Variants in CALB1 observed in about 807,000 individuals in gnomAD.
CALB1 encodes the protein calbindin 1.
In CALB1, 16 loss-of-function variants were observed where a neutral mutation model predicts 46.7. That is an observed-to-expected ratio of 0.34 (90% CI 0.23 to 0.52). CALB1 has a LOEUF of 0.52. Ranked by LOEUF, CALB1 falls within the 20% of genes least tolerant of loss-of-function variation. CALB1 has a pLI of 0.95. For missense variants in CALB1, 224 were observed against 300.3 expected (o/e 0.75, Z 1.88); for synonymous variants, 90 against 112.8 (o/e 0.80, Z 1.28).
chr8:90,082,339 G>C (rs968706968), intron 1 of CALB1: 8 of 601,284 alleles, frequency 1.3e-5, no homozygotes, highest in Admixed American at 1.2e-4. Flanking sequence ...GAAACTTTGG[G>C]GGGGCAGCAT....
intron 4 of CALB1, 27 bp from the exon 5 acceptor site, chr8:90,069,081 C>G: frequency 6.2e-7 from 1 of 1,611,666 alleles, no homozygotes; most frequent in Non-Finnish European, 8.5e-7. Flanking sequence ...ATAAGGAAAA[C>G]AAACACATTT....
intron 3 of CALB1, among the ~76,000 whole-genome samples, chr8:90,073,602 T>C (rs1298226259): frequency 6.6e-6 from 1 of 152,224 alleles, no homozygotes; most frequent in Non-Finnish European, 1.5e-5. Flanking sequence ...TCATTGCTAC[T>C]CTTCCACTCA....
At chr8:90,077,217 G>T (rs1027213015) in intron 3 of CALB1, among the ~76,000 whole-genome samples, 1 of 151,828 alleles carries the variant, frequency 6.6e-6, no homozygotes, top group Non-Finnish European at 1.5e-5. Context: ...TATTTATATA[G>T]TAATGAGTTA....
In CALB1 at chr8:90,082,812, G is replaced by T. The variant is rs1814757645; in HGVS notation, c.-115C>A. 1.0e-6 allele frequency: 1 copy of T among 995,816 alleles called. No individual in the cohort carries two copies. Among genetic ancestry groups the T allele is most frequent in the Non-Finnish European group, 1.6e-6 (1 of 625,032 alleles). 61.7% of individuals were successfully genotyped at this position (995,816 alleles called of 1,614,324 possible). A position where few individuals can be genotyped will look rare whatever the true frequency, so the allele number is the denominator to read the frequency against. ...AGTCAGGGCTGCGGAGGGAGACCTG[G>T]GCGCGGGCGCTGCCGGGCGCTGTCC... On this transcript the variant is annotated 5_prime_UTR_variant, in exon 1 of 11. Transcript: ENST00000265431.
intron 3 of CALB1, 168 bp downstream of exon 3, chr8:90,078,205 T>C (rs2130250568): frequency 4.4e-6 from 2 of 459,184 alleles, no homozygotes; most frequent in Non-Finnish European, 7.6e-6. Flanking sequence ...ATGTTTTTCA[T>C]TTGTGAACAT....
At chr8:90,073,645 G>A (rs932948197) in intron 3 of CALB1, among the ~76,000 whole-genome samples, 1 of 152,140 alleles carries the variant, frequency 6.6e-6, no homozygotes, top group African/African-American at 2.4e-5. Flanking sequence ...ACCCATAACA[G>A]GGGACTTTAC....
chr8:90,061,417 C>G (rs1814294943), intron 9 of CALB1: 1 of 151,982 alleles, frequency 6.6e-6, no homozygotes, highest in African/African-American at 2.4e-5. Flanking sequence ...TTAAGGCATC[C>G]AAATTGGAAA....
intron 6 of CALB1, 46 bp downstream of exon 6, chr8:90,065,852 C>A: frequency 8.1e-7 from 1 of 1,228,750 alleles, no homozygotes; most frequent in Non-Finnish European, 1.2e-6. Flanking sequence ...GAACATCATA[C>A]TACTTCATGA....
At chr8:90,076,896 T>G (rs564051381) in intron 3 of CALB1, among the ~76,000 whole-genome samples, 1 of 152,004 alleles carries the variant, frequency 6.6e-6, no homozygotes, top group African/African-American at 2.4e-5. Flanking sequence ...GATCAATGCC[T>G]TTTACTGCAC....
chr8:90,063,349 T>C, intron 7 of CALB1, 29 bp from the exon 8 acceptor site: 1 of 1,576,768 alleles, frequency 6.3e-7, no homozygotes, highest in Non-Finnish European at 8.7e-7. Context: ...TATATTAATA[T>C]ATTACATTTT....
At chr8:90,082,554 A>T in intron 1 of CALB1, 65 bp downstream of exon 1, 1 of 1,314,990 alleles carries the variant, frequency 7.6e-7, no homozygotes, top group Non-Finnish European at 1.1e-6. Flanking sequence ...GGCTCAGAAA[A>T]GGGCAAAGAA....
At chr8:90,081,857 C>T in intron 2 of CALB1, among the ~76,000 whole-genome samples, 169 bp downstream of exon 2, 1 of 151,582 alleles carries the variant, frequency 6.6e-6, no homozygotes, top group East Asian at 1.9e-4. Flanking sequence ...TCCCCTTTCC[C>T]ATTTCTCTGT....
chr8:90,078,270 CTG>C (rs1814656029), intron 3 of CALB1, 101 bp downstream of exon 3: 1 of 679,744 alleles, frequency 1.5e-6, no homozygotes, highest in Non-Finnish European at 2.5e-6. Context: ...GTAAAATAAA[CTG>C]TACTGAATGG....
chr8:90,082,816 C>A lies in CALB1; in HGVS notation c.-119G>T. The A allele has an allele frequency of 1.2e-6, 1 of 823,958 alleles. No homozygotes were observed. Among genetic ancestry groups the A allele is most frequent in the East Asian group, 2.5e-5 (1 of 40,158 alleles). 51.0% of individuals were successfully genotyped at this position (823,958 alleles called of 1,614,324 possible). A position where few individuals can be genotyped will look rare whatever the true frequency, so the allele number is the denominator to read the frequency against. On this transcript the variant is annotated 5_prime_UTR_variant, in exon 1 of 11. Transcript: ENST00000265431. ...AGGGCTGCGGAGGGAGACCTGGGCG[C>A]GGGCGCTGCCGGGCGCTGTCCTCGG...
At chr8:90,078,234 TGAACAGAA>T in intron 3 of CALB1, 131 bp downstream of exon 3, 1 of 547,548 alleles carries the variant, frequency 1.8e-6, no homozygotes, top group South Asian at 2.4e-5. Context: ...TTTATACTTC[TGAACAGAA>T]GATAATGTAT....
intron 2 of CALB1, among the ~76,000 whole-genome samples, chr8:90,080,775 A>G (rs1247774343): frequency 2.0e-5 from 3 of 152,118 alleles, no homozygotes; most frequent in Non-Finnish European, 4.4e-5. Context: ...TAATACATTT[A>G]GAGCCCTCTG....
intron 3 of CALB1, among the ~76,000 whole-genome samples, chr8:90,071,875 C>T (rs527344180): frequency 2.0e-4 from 31 of 152,212 alleles, no homozygotes; most frequent in African/African-American, 7.2e-4. Context: ...ACAATTTTTG[C>T]GTGACCTTCC....
At chr8:90,076,380 C>G (rs1814623213) in intron 3 of CALB1, among the ~76,000 whole-genome samples, 1 of 151,866 alleles carries the variant, frequency 6.6e-6, no homozygotes, top group African/African-American at 2.4e-5. Flanking sequence ...CCATTTATTT[C>G]TTACTTTTTC....
intron 2 of CALB1, among the ~76,000 whole-genome samples, chr8:90,080,319 A>AT (rs1007314203): frequency 1.3e-5 from 2 of 151,906 alleles, no homozygotes; most frequent in Admixed American, 6.5e-5. Flanking sequence ...GAAGAAAAAT[A>AT]TTTTTTTAAA....
Sources: allele counts gnomAD v4.1 joint callset (sites outside exome capture counted in the v4.1 genomes callset), GRCh38; gene constraint gnomAD v4.1.1; transcripts MANE v1.5; gene names NCBI Gene and HGNC (gene_info 2026-07-23, HGNC 2026-07-21).